The following ADAM2 variants were observed in gnomAD, a reference collection of about 807,000 sequenced individuals.
ADAM2 encodes the protein disintegrin and metalloproteinase domain-containing protein 2.
A neutral mutation model predicts 99.3 loss-of-function variants in ADAM2; 101 were observed. That is an observed-to-expected ratio of 1.02 (90% CI 0.87 to 1.20). The LOEUF is 1.20. ADAM2 is among the 50% of genes most tolerant of loss of function. The pLI is 0.00. For missense variants in ADAM2, 948 were observed against 878.7 expected (o/e 1.08, Z -1.00); for synonymous variants, 323 against 287.6 (o/e 1.12, Z -1.25).
chr8:39,802,926 C>T (rs1407620327), intron 7 of ADAM2, among the ~76,000 whole-genome samples: 3 of 152,074 alleles, frequency 2.0e-5, no homozygotes, highest in Admixed American at 1.3e-4. Flanking sequence ...ACCTCTATAA[C>T]CAAGAATTAT....
chr8:39,789,560 G>C (rs1446432824), intron 7 of ADAM2, among the ~76,000 whole-genome samples: 2 of 151,682 alleles, frequency 1.3e-5, no homozygotes, highest in East Asian at 3.9e-4. Flanking sequence ...ATAAACTACA[G>C]TAACCAAGAC....
intron 11 of ADAM2, among the ~76,000 whole-genome samples, chr8:39,769,904 C>T (rs1294377776): frequency 6.6e-6 from 1 of 151,866 alleles, no homozygotes; most frequent in African/African-American, 2.4e-5. Flanking sequence ...TGCTGGGACA[C>T]CCCTGTATTA....
intron 7 of ADAM2, among the ~76,000 whole-genome samples, chr8:39,802,062 C>T (rs1804238971): frequency 6.6e-6 from 1 of 152,192 alleles, no homozygotes; most frequent in African/African-American, 2.4e-5. Context: ...TAAGCATATT[C>T]CAGCTGAGAG....
At chr8:39,817,084 T>C (rs1586148595) in intron 6 of ADAM2, among the ~76,000 whole-genome samples, 1 of 151,954 alleles carries the variant, frequency 6.6e-6, no homozygotes, top group African/African-American at 2.4e-5. Context: ...AAAATAAAAA[T>C]ACTTGATTAA....
chr8:39,813,223 C>A (rs1435197607), intron 6 of ADAM2, among the ~76,000 whole-genome samples: 2 of 152,118 alleles, frequency 1.3e-5, no homozygotes, highest in African/African-American at 4.8e-5. Context: ...CAATGAGATA[C>A]CATCTCACAC....
chr8:39,774,370 T>G (rs1444509077), intron 11 of ADAM2, among the ~76,000 whole-genome samples: 1 of 152,012 alleles, frequency 6.6e-6, no homozygotes, highest in Non-Finnish European at 1.5e-5. Flanking sequence ...AAGGAAGATG[T>G]ATTTATAATA....
chr8:39,829,621 A>G (rs1435668775), intron 3 of ADAM2, among the ~76,000 whole-genome samples: 1 of 151,952 alleles, frequency 6.6e-6, no homozygotes, highest in Non-Finnish European at 1.5e-5. Context: ...TAATTATGAA[A>G]GTGCATGTAA....
Position 39,749,630 on chromosome 8 carries a change from A to G in ADAM2, c.1875+37T>C, listed in dbSNP as rs767744303. 1.5e-5 allele frequency: 23 copies of G among 1,564,134 alleles called. No homozygotes were observed. The East Asian group carries it at 1.6e-4, about 11-fold the overall frequency. The stretch of plus-strand genomic sequence containing the variant: ...ATGCAGTTTCCTAAAATTAGGCTCA[A>G]TGATTTCTATTTTCACCTCATAGTA... On this transcript the variant is annotated intron_variant, in intron 17 of 20. Coordinates refer to ENST00000265708, the MANE Select transcript of ADAM2 (RefSeq NM_001464.5).
rs370082987 is a variant in ADAM2, at chr8:39,787,022, G to T, written c.843C>A (p.Thr281=). 73 of 1,589,214 alleles carry T rather than the reference G, an allele frequency of 4.6e-5. No homozygotes were observed. The African/African-American group carries it at 8.1e-4, about 18-fold the overall frequency. Residue 281 remains threonine, a synonymous_variant, in exon 10 of 21, where the codon ACC becomes ACA. Transcript: ENST00000265708. The part of the protein sequence containing the change: ...YREKSNYVGA[T]FQGKMCDANY... ...TTGCATCACACATCTTCCCTTGAAA[G>T]GTTGCACCAACATAATTTGACTTTT...
intron 3 of ADAM2, among the ~76,000 whole-genome samples, chr8:39,832,090 A>G (rs1482303486): frequency 6.6e-6 from 1 of 152,102 alleles, no homozygotes; most frequent in Non-Finnish European, 1.5e-5. Context: ...GCTTGGTGTT[A>G]CTCTAAATAT....
In ADAM2 at chr8:39,788,138, T is replaced by C. The variant is rs890324928; in HGVS notation, c.756A>G (p.Arg252=). Residue 252 remains arginine, a synonymous_variant, in exon 9 of 21, where the codon AGA becomes AGG. Transcript: ENST00000265708. ...GTAAAACAAGATAAGATGTTTTCCA[T>C]CTTAAAAATGTGTGTAATAACTCAT... ...EANELLHTFL[R]WKTSYLVLRP... 8 of 1,582,564 alleles carry C rather than the reference T, an allele frequency of 5.1e-6. No individual in the cohort carries two copies. In the Admixed American group the frequency reaches 5.4e-5, roughly 11 times the overall value.
At chr8:39,808,977 G>C (rs1475680565) in intron 7 of ADAM2, among the ~76,000 whole-genome samples, 1 of 151,912 alleles carries the variant, frequency 6.6e-6, no homozygotes, top group African/African-American at 2.4e-5. Context: ...TTTTACCCAA[G>C]TTTACAATAT....
Position 39,838,122 on chromosome 8 carries a change from T to C in ADAM2, c.55+9A>G, listed in dbSNP as rs1409702697. Reference sequence around the variant, plus strand: ...CCCAAAAGGCCAGAGGAGGGGTTTTTCTGCTTACTACTGTCCATCCGCAGC... The same window carrying C: ...CCCAAAAGGCCAGAGGAGGGGTTTTCCTGCTTACTACTGTCCATCCGCAGC... On this transcript the variant is annotated intron_variant, in intron 1 of 20. Transcript: ENST00000265708. The C allele has an allele frequency of 1.2e-6, 2 of 1,613,938 alleles. No homozygotes were observed. The highest frequency in any genetic ancestry group is 1.3e-5 in the African/African-American group (1 of 74,886).
intron 16 of ADAM2, 47 bp from the exon 17 acceptor site, chr8:39,749,791 T>TTAATTAATTAATTAAA: frequency 1.3e-6 from 2 of 1,489,934 alleles, no homozygotes; most frequent in Non-Finnish European, 1.9e-6. Context: ...CCATCTAGAG[T>TTAATTAATTAATTAAA]TGCCATTTAA....
chr8:39,804,296 AGG>A (rs1263990392), intron 7 of ADAM2, among the ~76,000 whole-genome samples: 1 of 152,246 alleles, frequency 6.6e-6, no homozygotes, highest in Non-Finnish European at 1.5e-5. Context: ...AGGCAACTAA[AGG>A]GAAAATGGCA....
intron 3 of ADAM2, among the ~76,000 whole-genome samples, chr8:39,832,640 G>T (rs1014910769): frequency 2.0e-5 from 3 of 152,124 alleles, no homozygotes; most frequent in Non-Finnish European, 4.4e-5. Context: ...TTTGAGCCAA[G>T]AGTTTTTTGG....
chr8:39,772,108 G>GT (rs1802807066), intron 11 of ADAM2, among the ~76,000 whole-genome samples: 1 of 128,316 alleles, frequency 7.8e-6, no homozygotes, highest in Non-Finnish European at 1.6e-5. Flanking sequence ...AGAGAGAACG[G>GT]TAAAAAAAAA....
At chr8:39,833,428 T>C (rs1805695188) in intron 3 of ADAM2, among the ~76,000 whole-genome samples, 1 of 152,126 alleles carries the variant, frequency 6.6e-6, no homozygotes, top group South Asian at 2.1e-4. Context: ...CAATTTTCAC[T>C]TTTCTTTATT....
At chr8:39,816,952 G>C (rs187153627) in intron 6 of ADAM2, among the ~76,000 whole-genome samples, 1 of 152,172 alleles carries the variant, frequency 6.6e-6, no homozygotes, top group African/African-American at 2.4e-5. Context: ...GCCATAGTTT[G>C]TCAACTCCTA....
Sources: allele counts gnomAD v4.1 joint callset (sites outside exome capture counted in the v4.1 genomes callset), GRCh38; gene constraint gnomAD v4.1.1; transcripts MANE v1.5; gene names NCBI Gene and HGNC (gene_info 2026-07-23, HGNC 2026-07-21).